Variants in MUCL3 observed in about 807,000 individuals in gnomAD.
The protein encoded by MUCL3 is mucin like 3, also known as mucin-like protein 3.
Under a neutral mutation model 70.2 loss-of-function variants are expected in MUCL3, and 42 were observed. That is an observed-to-expected ratio of 0.60 (90% CI 0.47 to 0.77). The LOEUF is 0.77. MUCL3 is among the 30% of genes least tolerant of loss of function. The pLI is 0.00. For missense variants in MUCL3, 1,429 were observed against 1,670.0 expected (o/e 0.86, Z 2.52); for synonymous variants, 522 against 647.0 (o/e 0.81, Z 2.93).
intron 1 of MUCL3, chr6:30,946,117 T>C (rs1234637429): frequency 6.6e-6 from 1 of 152,258 alleles, no homozygotes; most frequent in Non-Finnish European, 1.5e-5. Flanking sequence ...AGGTGAGAGG[T>C]GGATGGAGCA....
At chr6:30,947,770 G>C (rs1760374727) in intron 1 of MUCL3, among the ~76,000 whole-genome samples, 1 of 151,490 alleles carries the variant, frequency 6.6e-6, no homozygotes, top group African/African-American at 2.4e-5. Context: ...GTGTGAAGAG[G>C]GGGACCCAGT....
At position 30,950,837 on chromosome 6, in the gene MUCL3, T is replaced by C. The variant is rs1344616234; in HGVS notation, c.2373T>C (p.Asn791=). ...TENGKRTPFA[N]EKTTSSSAEP... is the part of the protein sequence containing the mutation. ...ATGGAAAAAGGACCCCATTTGCCAA[T>C]GAGAAGACCACATCATCCTCAGCAG... Residue 791 remains asparagine, a synonymous_variant, in exon 2 of 3, where the codon AAT becomes AAC. Transcript: ENST00000462446. 7.1e-6 allele frequency: 11 copies of C among 1,546,414 alleles called. No homozygotes were observed. Among genetic ancestry groups the C allele is most frequent in the East Asian group, 2.5e-5 (1 of 40,636 alleles).
rs140721086 is a variant in MUCL3, at chr6:30,952,395, G to C, written c.3931G>C (p.Ala1311Pro). Residue 1311 changes from alanine to proline, a missense_variant, in exon 2 of 3, where the codon GCT becomes CCT. Physicochemically the swap from Ala to Pro is conservative, Grantham distance 27 (BLOSUM62 -1). Coordinates refer to ENST00000462446, the MANE Select transcript of MUCL3 (RefSeq NM_080870.4). ...AGATGGCTCACAGAAAGGTATCCAC[G>C]CTGGACAGATGGGAGAGAATGATTC... The part of the protein sequence containing the change: ...NKDGSQKGIH[A>P]GQMGENDSFP... 1.2e-6 allele frequency: 2 copies of C among 1,614,182 alleles called. No individual in the cohort carries two copies. The highest frequency in any genetic ancestry group is 2.7e-5 in the African/African-American group (2 of 75,040).
At position 30,951,743 on chromosome 6, in the gene MUCL3, C is replaced by T; in HGVS notation, c.3279C>T (p.Ala1093=). ...AACATGGAGCAAAAACTACGTCGGC[C>T]AATGAGAAGATCACACCATCCCTAG... ...PTEHGAKTTS[A]NEKITPSLAK... The change falls in exon 2 of 3, where the codon GCC becomes GCT. Residue 1093 remains alanine, a synonymous_variant. Transcript: ENST00000462446. The T allele has an allele frequency of 1.3e-6, 2 of 1,552,848 alleles. No individual in the cohort carries two copies.
At position 30,951,507 on chromosome 6, in the gene MUCL3, C is replaced by A. The variant is rs1454998800; in HGVS notation, c.3043C>A (p.Pro1015Thr). 3.9e-6 allele frequency: 6 copies of A among 1,551,774 alleles called. No homozygotes were observed. The highest frequency in any genetic ancestry group is 4.4e-6 in the Non-Finnish European group (5 of 1,146,974). Residue 1015 changes from proline to threonine, a missense_variant, in exon 2 of 3, where the codon CCA becomes ACA. Transcript: ENST00000462446. Reference protein sequence around the residue: ...GERTANEKTTPSPAEPTEHGE... With the variant: ...GERTANEKTTTSPAEPTEHGE... ...AAGGACAGCCAATGAGAAGACCACA[C>A]CATCCCCAGCAGAGCCTACAGAACA...
At chr6:30,943,853 C>G (rs1394046210) in intron 1 of MUCL3, among the ~76,000 whole-genome samples, 2 of 151,112 alleles carry the variant, frequency 1.3e-5, no homozygotes. Context: ...CTCCCTTTAG[C>G]TTTCCTTTTT....
intron 1 of MUCL3, among the ~76,000 whole-genome samples, chr6:30,943,662 T>A (rs1291314783): frequency 6.6e-6 from 1 of 152,238 alleles, no homozygotes; most frequent in Non-Finnish European, 1.5e-5. Context: ...AGATGGGAAT[T>A]GGGGCTGGGG....
rs762892209 is a variant in MUCL3 at position 30,952,117 on chromosome 6, C to A, written c.3653C>A (p.Thr1218Asn). The change falls in exon 2 of 3, where the codon ACC (threonine) becomes AAC (asparagine). Residue 1218 changes from threonine (T) to asparagine (N), a missense_variant. Thr to Asn is a moderately conservative substitution (Grantham distance 65). Transcript: ENST00000462446. ...PTENLGNTTL[T>N]TETIKAPVKS... ...GAAAACCTGGGGAACACCACACTGA[C>A]CACTGAGACCATAAAAGCCCCAGTA... 12 of 1,612,034 alleles carry A rather than the reference C, an allele frequency of 7.4e-6. No individual in the cohort carries two copies. In the South Asian group the frequency reaches 1.2e-4, roughly 16 times the overall value.
In MUCL3 at chr6:30,950,208, G is replaced by T; in HGVS notation, c.1744G>T (p.Glu582Ter). 6.5e-7 allele frequency: 1 copy of T among 1,549,148 alleles called. No individual in the cohort carries two copies. ...CACGCCATCTCTAGCAGAGCCTACA[G>T]AAAATGGACAAAGGACCCCATTTGC... ...KTTPSLAEPT[E>*]NGQRTPFANE... Residue 582 changes from glutamate (E) to a stop codon, truncating the protein, a stop_gained, in exon 2 of 3, where the codon GAA becomes TAA. Transcript: ENST00000462446. LOFTEE classifies it high-confidence loss of function.
intron 1 of MUCL3, chr6:30,946,444 C>G (rs1281294365): frequency 6.6e-6 from 1 of 152,204 alleles, no homozygotes. Context: ...GGAAAATGCC[C>G]TTTGCATTGC....
chr6:30,952,321 C>G lies in MUCL3; in HGVS notation c.3857C>G (p.Ser1286Cys). The change falls in exon 2 of 3, where the codon TCT becomes TGT. Residue 1286 changes from serine to cysteine, a missense_variant. Transcript: ENST00000462446. ...TLITSRTKLS[S>C]ITSEATGNES... ...ATTACATCTAGAACGAAGCTGAGTT[C>G]TATCACATCAGAAGCCACAGGAAAC... is the stretch of plus-strand genomic sequence containing the variant. 1 of 1,614,142 alleles carries G rather than the reference C, an allele frequency of 6.2e-7. No individual in the cohort carries two copies. Among genetic ancestry groups the G allele is most frequent in the Non-Finnish European group, 8.5e-7 (1 of 1,180,018 alleles).
At position 30,952,192 on chromosome 6, in the gene MUCL3, A is replaced by G; in HGVS notation, c.3728A>G (p.Lys1243Arg). ...EKTAAVTKTI[K>R]PSVKVTGDKS... The stretch of plus-strand genomic sequence containing the variant: ...ACAGCAGCAGTCACAAAGACTATAA[A>G]ACCTTCAGTCAAGGTCACAGGAGAC... Residue 1243 changes from lysine to arginine, a missense_variant, in exon 2 of 3, where the codon AAA (lysine) becomes AGA (arginine). Transcript: ENST00000462446. 6.2e-7 allele frequency: 1 copy of G among 1,614,152 alleles called. No homozygotes were observed. Among genetic ancestry groups the G allele is most frequent in the Middle Eastern group, 1.6e-4 (1 of 6,062 alleles).
At chr6:30,948,496 G>A in intron 1 of MUCL3, 51 bp from the exon 2 acceptor site, 2 of 1,385,948 alleles carry the variant, frequency 1.4e-6, no homozygotes, top group Non-Finnish European at 1.9e-6. Flanking sequence ...GGAAGGGGGA[G>A]TTGGAGAAGA....
Position 30,951,401 on chromosome 6 carries a change from G to A in MUCL3, c.2937G>A (p.Glu979=), listed in dbSNP as rs906852123. 1.5e-4 allele frequency: 227 copies of A among 1,541,926 alleles called. 1 individual carries two copies. Among genetic ancestry groups the A allele is most frequent in the Middle Eastern group, 8.4e-4 (5 of 5,942 alleles). ...AGGACACCACACCATCCTCAGCAGA[G>A]CCTACAGAAAATGGAGAAAGGACCC... The part of the protein sequence containing the change: ...VNEDTTPSSA[E]PTENGERTPL... The change falls in exon 2 of 3, where the codon GAG becomes GAA. Residue 979 remains glutamate (E), a synonymous_variant. Coordinates refer to ENST00000462446, the MANE Select transcript of MUCL3 (RefSeq NM_080870.4).
rs1345596160 is a variant in MUCL3, at chr6:30,951,473, A to G, written c.3009A>G (p.Glu1003=). 1 of 1,551,920 alleles carries G rather than the reference A, an allele frequency of 6.4e-7. No individual in the cohort carries two copies. The change falls in exon 2 of 3, where the codon GAA becomes GAG. Residue 1003 remains glutamate, a synonymous_variant. Transcript: ENST00000462446. ...NTTTSPTEST[E]HGERTANEKT... ...CAACATCCCCAACAGAGTCTACAGAACATGGAGAAAGGACAGCCAATGAGA... is the reference window on the plus strand; with the variant it reads ...CAACATCCCCAACAGAGTCTACAGAGCATGGAGAAAGGACAGCCAATGAGA...
rs1562493969 is a variant in MUCL3, at chr6:30,951,260, T to C, written c.2796T>C (p.Asn932=). Residue 932 remains asparagine (N), a synonymous_variant, in exon 2 of 3, where the codon AAT becomes AAC. Transcript: ENST00000462446. ...ATGGAGAAAGGACCCCACTGGCCAA[T>C]GAGATCACCACACCATCCCGAGCAG... ...TEHGERTPLA[N]EITTPSRAEP... 2 of 1,549,548 alleles carry C rather than the reference T, an allele frequency of 1.3e-6. No homozygotes were observed. Among genetic ancestry groups the C allele is most frequent in the Admixed American group, 3.9e-5 (2 of 50,744 alleles).
In MUCL3 at chr6:30,952,973, C is replaced by A. The variant is rs752455570; in HGVS notation, c.4038C>A (p.Val1346=). ...CTCCTTTCTCATCCCAATCACAGGT[C>A]TCCTATATGATGCGGACACGCCGCA... ...LLVFLGLIFL[V]SYMMRTRRTL... The change falls in exon 3 of 3, where the codon GTC becomes GTA. Residue 1346 remains valine (V), a splice_region_variant and synonymous_variant. Transcript: ENST00000462446. 2.5e-6 allele frequency: 4 copies of A among 1,613,964 alleles called. No individual in the cohort carries two copies. Among genetic ancestry groups the A allele is most frequent in the Non-Finnish European group, 3.4e-6 (4 of 1,179,940 alleles).
rs778621895 is a variant in MUCL3, at chr6:30,952,447, T to C, written c.3983T>C (p.Val1328Ala). 3 of 1,612,240 alleles carry C rather than the reference T, an allele frequency of 1.9e-6. No individual in the cohort carries two copies. Among genetic ancestry groups the C allele is most frequent in the South Asian group, 1.1e-5 (1 of 90,612 alleles). Residue 1328 changes from valine to alanine, a missense_variant, in exon 2 of 3, where the codon GTG (valine) becomes GCG (alanine). By Grantham distance (64) the Val-to-Ala change is moderately conservative. Transcript: ENST00000462446. Reference protein sequence around the residue: ...DSFPAWAIVIVVLVAVILLLV... With the variant: ...DSFPAWAIVIAVLVAVILLLV... ...TTCCCTGCATGGGCCATAGTTATTG[T>C]GGTCCTGGTGGCTGTGATTCTCCTC...
In MUCL3 at chr6:30,950,290, C is replaced by T; in HGVS notation, c.1826C>T (p.Pro609Leu). Residue 609 changes from proline (P) to leucine (L), a missense_variant, in exon 2 of 3, where the codon CCA becomes CTA. Coordinates refer to ENST00000462446, the MANE Select transcript of MUCL3 (RefSeq NM_080870.4). ...CCTACAGAACACGAAGAAAGGACTC[C>T]ACTGGCCAATGAGAACACCACACCA... The part of the protein sequence containing the change: ...AEPTEHEERT[P>L]LANENTTPSP... 2 of 1,549,862 alleles carry T rather than the reference C, an allele frequency of 1.3e-6. No homozygotes were observed. The highest frequency in any genetic ancestry group is 1.7e-6 in the Non-Finnish European group (2 of 1,146,572).
Sources: allele counts gnomAD v4.1 joint callset (sites outside exome capture counted in the v4.1 genomes callset), GRCh38; gene constraint gnomAD v4.1.1; transcripts MANE v1.5; gene names NCBI Gene and HGNC (gene_info 2026-07-23, HGNC 2026-07-21).